The following MACROD2 variants were observed in gnomAD, a reference collection of about 807,000 sequenced individuals.
MACROD2 encodes ADP-ribose glycohydrolase MACROD2.
In MACROD2, 36 loss-of-function variants were observed where a neutral mutation model predicts 70.4. That is an observed-to-expected ratio of 0.51 (90% CI 0.39 to 0.68). The LOEUF is 0.68. Ranked by LOEUF, MACROD2 falls within the 30% of genes least tolerant of loss-of-function variation. The pLI, the probability that MACROD2 is intolerant of heterozygous loss-of-function variation, is 0.00. For missense variants in MACROD2, 496 were observed against 538.4 expected, an observed-to-expected ratio of 0.92 and a Z score of 0.78; for synonymous variants, 172 against 178.8, an observed-to-expected ratio of 0.96 and a Z score of 0.30.
intron 4 of MACROD2, among the ~76,000 whole-genome samples, chr20:14,551,513 A>G (rs1196237908): frequency 6.6e-6 from 1 of 152,200 alleles, no homozygotes; most frequent in African/African-American, 2.4e-5. Context: ...GGCACATTAT[A>G]TTGACAATAT....
intron 5 of MACROD2, among the ~76,000 whole-genome samples, chr20:14,795,463 T>C (rs2072499494): frequency 6.6e-6 from 1 of 152,046 alleles, no homozygotes; most frequent in Admixed American, 6.6e-5. Flanking sequence ...ATGCTTCCTA[T>C]GGATTAGAAT....
intron 2 of MACROD2, 58 bp downstream of exon 2, chr20:14,002,462 G>A: frequency 1.0e-6 from 1 of 1,003,046 alleles, no homozygotes; most frequent in South Asian, 1.5e-5. Flanking sequence ...GACAATTGTT[G>A]ACAGAAATGA....
intron 8 of MACROD2, among the ~76,000 whole-genome samples, chr20:15,754,360 C>T (rs1451864029): frequency 6.6e-6 from 1 of 152,166 alleles, no homozygotes; most frequent in African/African-American, 2.4e-5. Context: ...CGGTGGCTCA[C>T]GCCCGTAATC....
At chr20:14,549,553 C>T (rs753440435) in intron 4 of MACROD2, among the ~76,000 whole-genome samples, 38 of 151,538 alleles carry the variant, frequency 2.5e-4, no homozygotes, top group Non-Finnish European at 4.9e-4. Context: ...TTTTAAATCA[C>T]ATAGGGATAA....
rs35634648 is a variant in MACROD2 at position 15,815,413 on chromosome 20, CT to C, written c.646-47321del. On this transcript the variant is annotated intron_variant, in intron 8 of 17. Transcript: ENST00000684519. ...GTTTTTAAATGGCAAAACAATAGTTCTTTTTTTTTTTAATGTAGTCTAAAAT... is the reference window on the plus strand; with the variant it reads ...GTTTTTAAATGGCAAAACAATAGTTCTTTTTTTTTTAATGTAGTCTAAAAT... Among the ~76,000 whole-genome samples the C allele has an allele frequency of 4.6e-3, 684 of 147,174 alleles. 2 individuals carry two copies. The highest frequency in any genetic ancestry group is 7.2e-3 in the African/African-American group (290 of 40,288).
chr20:14,760,951 T>C (rs1306228591), intron 5 of MACROD2, among the ~76,000 whole-genome samples: 1 of 152,148 alleles, frequency 6.6e-6, no homozygotes, highest in African/African-American at 2.4e-5. Flanking sequence ...TTCTCTGTTC[T>C]TGTTCTCTTT....
In MACROD2 at chr20:16,050,612, G is replaced by A. The variant is rs6135656; in HGVS notation, c.*736G>A. 4,628 of 152,322 alleles carry A rather than the reference G, an allele frequency of 0.03. 114 individuals carry two copies. The highest frequency in any genetic ancestry group is 0.081 in the East Asian group (417 of 5,172). The allele number at this position is 152,322 out of a possible 1,614,324, so 9.4% of individuals were successfully genotyped here. A position where few individuals can be genotyped will look rare whatever the true frequency, so the allele number is the denominator to read the frequency against. ...CACTGACTTTCAGCAGAGCTTACTT[G>A]GTTCATGAGGTCTTCACATGGAGAC... On this transcript the variant is annotated 3_prime_UTR_variant, in exon 18 of 18. Transcript: ENST00000684519.
chr20:15,336,064 A>G (rs2078044894), intron 6 of MACROD2, among the ~76,000 whole-genome samples: 1 of 151,660 alleles, frequency 6.6e-6, no homozygotes, highest in Admixed American at 6.6e-5. Context: ...CATTTTCTCA[A>G]TATCTCAGAC....
chr20:15,080,529 A>G (rs1401986557), intron 5 of MACROD2, among the ~76,000 whole-genome samples: 3 of 152,018 alleles, frequency 2.0e-5, no homozygotes, highest in Admixed American at 6.6e-5. Context: ...GTTCCTTTTG[A>G]ACACTGGAGT....
At chr20:15,667,746 CAT>C (rs1568963175) in intron 8 of MACROD2, among the ~76,000 whole-genome samples, 2 of 152,286 alleles carry the variant, frequency 1.3e-5, no homozygotes, top group South Asian at 2.1e-4. Flanking sequence ...TGAAACCAAT[CAT>C]AGATTAAGCA....
chr20:14,664,612 G>A (rs1201349970), intron 4 of MACROD2, among the ~76,000 whole-genome samples: 1 of 152,008 alleles, frequency 6.6e-6, no homozygotes, highest in Non-Finnish European at 1.5e-5. Flanking sequence ...GGGACTAAGA[G>A]CAGCTCTCAA....
intron 2 of MACROD2, among the ~76,000 whole-genome samples, chr20:14,060,262 C>G (rs6079275): frequency 0.11 from 17,092 of 152,104 alleles, 1,128 homozygotes; most frequent in Admixed American, 0.18. Context: ...AAGCAGTTAC[C>G]TGTGTCTATG....
At chr20:14,668,991 T>A (rs2070766355) in intron 4 of MACROD2, among the ~76,000 whole-genome samples, 1 of 152,184 alleles carries the variant, frequency 6.6e-6, no homozygotes, top group Non-Finnish European at 1.5e-5. Flanking sequence ...TAAGCCCAAC[T>A]TTTTCTTAAT....
At chr20:15,018,597 A>G (rs1301288156) in intron 5 of MACROD2, among the ~76,000 whole-genome samples, 1 of 148,554 alleles carries the variant, frequency 6.7e-6, no homozygotes, top group Admixed American at 6.7e-5. Context: ...TTAATAGGAT[A>G]TATATATAGA....
intron 8 of MACROD2, among the ~76,000 whole-genome samples, chr20:15,602,826 C>A (rs765376943): frequency 3.3e-4 from 50 of 152,072 alleles, no homozygotes; most frequent in Non-Finnish European, 7.1e-4. Context: ...TTGTTGATAA[C>A]CCTGCCATTT....
At chr20:14,039,850 T>C (rs2148638997) in intron 2 of MACROD2, among the ~76,000 whole-genome samples, 1 of 152,182 alleles carries the variant, frequency 6.6e-6, no homozygotes, top group Non-Finnish European at 1.5e-5. Flanking sequence ...AGGAATAATT[T>C]GATTGAAGAC....
intron 4 of MACROD2, among the ~76,000 whole-genome samples, chr20:14,512,812 C>T (rs1821262397): frequency 6.6e-6 from 1 of 152,100 alleles, no homozygotes; most frequent in Non-Finnish European, 1.5e-5. Flanking sequence ...CACCTTTCCT[C>T]ACTCATGTTT....
At chr20:14,324,597 A>G (rs550412395) in intron 3 of MACROD2, 1 of 152,190 alleles carries the variant, frequency 6.6e-6, no homozygotes, top group Non-Finnish European at 1.5e-5. Context: ...TTATAATTAC[A>G]TTACATTTTT....
At chr20:14,045,443 G>A (rs1353826991) in intron 2 of MACROD2, among the ~76,000 whole-genome samples, 2 of 152,228 alleles carry the variant, frequency 1.3e-5, no homozygotes, top group Non-Finnish European at 2.9e-5. Flanking sequence ...ATAAGGGTAT[G>A]GGATTGTAAT....
Sources: allele counts gnomAD v4.1 joint callset (sites outside exome capture counted in the v4.1 genomes callset), GRCh38; gene constraint gnomAD v4.1.1; transcripts MANE v1.5; gene names NCBI Gene and HGNC (gene_info 2026-07-23, HGNC 2026-07-21).